Variants in NFATC3 observed in about 807,000 individuals in gnomAD.
NFATC3 encodes the protein nuclear factor of activated T cells 3.
A neutral mutation model predicts 98.6 loss-of-function variants in NFATC3; 46 were observed. That is an observed-to-expected ratio of 0.47 (90% CI 0.37 to 0.60). The LOEUF (loss-of-function observed/expected upper bound fraction) is 0.60, where lower values mean the gene tolerates loss of function less well. Ranked by LOEUF, NFATC3 falls within the 20% of genes least tolerant of loss-of-function variation. The probability of loss-of-function intolerance (pLI) is 0.00; values close to 1 mark genes in which losing one functional copy is unlikely to be tolerated. For missense variants in NFATC3, 1,256 were observed against 1,295.5 expected (o/e 0.97, Z 0.47); for synonymous variants, 512 against 472.2 (o/e 1.08, Z -1.09).
chr16:68,168,157 G>A (rs1476018655), intron 5 of NFATC3, among the ~76,000 whole-genome samples: 3 of 147,670 alleles, frequency 2.0e-5, no homozygotes, highest in Admixed American at 6.8e-5. Context: ...TTTTTTTCAG[G>A]TGAGGGGGTT....
chr16:68,173,194 T>C (rs2039544310), intron 5 of NFATC3, among the ~76,000 whole-genome samples: 1 of 151,882 alleles, frequency 6.6e-6, no homozygotes, highest in Non-Finnish European at 1.5e-5. Context: ...CCCAGGAGTT[T>C]GATGCTGCAG....
intron 9 of NFATC3, 52 bp from the exon 10 acceptor site, chr16:68,226,298 A>G: frequency 1.3e-6 from 2 of 1,535,742 alleles, no homozygotes; most frequent in Non-Finnish European, 1.7e-6. Context: ...TGGGCATCAT[A>G]TGGCTAATCA....
At chr16:68,112,426 C>T (rs1348022620) in intron 1 of NFATC3, among the ~76,000 whole-genome samples, 1 of 151,132 alleles carries the variant, frequency 6.6e-6, no homozygotes. Flanking sequence ...TACAGGCACA[C>T]ACCACCACGC....
At chr16:68,166,053 C>A (rs1260250981) in intron 4 of NFATC3, among the ~76,000 whole-genome samples, 1 of 152,100 alleles carries the variant, frequency 6.6e-6, no homozygotes, top group Non-Finnish European at 1.5e-5. Context: ...AGAATTTTAG[C>A]CTGATAGATT....
chr16:68,174,362 A>G lies in NFATC3; in HGVS notation c.1775-12A>G. 1.4e-6 allele frequency: 2 copies of G among 1,381,968 alleles called. No individual in the cohort carries two copies. The highest frequency in any genetic ancestry group is 1.9e-6 in the Non-Finnish European group (2 of 1,059,780). The allele number at this position is 1,381,968 out of a possible 1,614,324, so 85.6% of individuals were successfully genotyped here. A position where few individuals can be genotyped will look rare whatever the true frequency, so the allele number is the denominator to read the frequency against. ...TTGTTTTTTCTCAACTCTTTAAAAA[A>G]ATTTAAAACAGCCCAGCGGTCTGCT... On this transcript the variant is annotated splice_polypyrimidine_tract_variant and intron_variant, in intron 5 of 9. Transcript: ENST00000346183.
chr16:68,093,585 TTTTG>T (rs1159854711), intron 1 of NFATC3, among the ~76,000 whole-genome samples: 23 of 152,326 alleles, frequency 1.5e-4, no homozygotes, highest in Admixed American at 1.2e-3. Flanking sequence ...TTTTGTAACT[TTTTG>T]TTTGTGATAC....
chr16:68,195,399 A>G lies in NFATC3; in HGVS notation c.3106+3624A>G, dbSNP rs115892835. 4.0e-3 allele frequency among the ~76,000 whole-genome samples: 615 copies of G among 152,222 alleles called. 7 individuals are homozygous for G. Among genetic ancestry groups the G allele is most frequent in the African/African-American group, 0.014 (570 of 41,550 alleles). ...TACAGAGGGGGAAGAGCAGTACACA[A>G]TGGTGTGCACCTGTAGTCCTGGCCA... On this transcript the variant is annotated intron_variant, in intron 9 of 9. Coordinates refer to ENST00000346183, the MANE Select transcript of NFATC3 (RefSeq NM_173165.3).
intron 1 of NFATC3, among the ~76,000 whole-genome samples, chr16:68,103,671 T>G (rs2035489397): frequency 6.6e-6 from 1 of 152,254 alleles, no homozygotes; most frequent in Non-Finnish European, 1.5e-5. Flanking sequence ...AGTTTTATGC[T>G]TTTAGCTCTT....
At chr16:68,222,166 C>T (rs71393984) in intron 9 of NFATC3, among the ~76,000 whole-genome samples, 19 of 150,986 alleles carry the variant, frequency 1.3e-4, no homozygotes, top group Middle Eastern at 6.8e-3. Context: ...AAGGCATAGG[C>T]GTAGTAGCAC....
intron 8 of NFATC3, among the ~76,000 whole-genome samples, chr16:68,187,990 G>T (rs1025152393): frequency 1.3e-5 from 2 of 152,078 alleles, no homozygotes; most frequent in African/African-American, 4.8e-5. Context: ...TGCAAACCAG[G>T]GCTGAGCTGC....
chr16:68,173,166 G>GT (rs1357374963), intron 5 of NFATC3, among the ~76,000 whole-genome samples: 1 of 152,066 alleles, frequency 6.6e-6, no homozygotes, highest in Non-Finnish European at 1.5e-5. Flanking sequence ...GGAGGCTGAG[G>GT]TGGGAGTATT....
At chr16:68,190,541 C>T (rs538129767) in intron 8 of NFATC3, among the ~76,000 whole-genome samples, 1 of 152,288 alleles carries the variant, frequency 6.6e-6, no homozygotes, top group South Asian at 2.1e-4. Context: ...TCTTGTGCCT[C>T]TTCCCAAAGA....
intron 9 of NFATC3, chr16:68,225,743 G>A (rs2042016978): frequency 1.3e-5 from 2 of 152,178 alleles, no homozygotes; most frequent in Non-Finnish European, 2.9e-5. Flanking sequence ...TCTTATTTGG[G>A]GGATTTGGGA....
At chr16:68,197,265 T>G (rs1050915176) in intron 9 of NFATC3, among the ~76,000 whole-genome samples, 1 of 152,108 alleles carries the variant, frequency 6.6e-6, no homozygotes, top group Admixed American at 6.6e-5. Context: ...TTATTATATT[T>G]TATTTTATTT....
At chr16:68,200,339 G>A (rs1379711913) in intron 9 of NFATC3, 2 of 151,742 alleles carry the variant, frequency 1.3e-5, no homozygotes, top group Non-Finnish European at 2.9e-5. Flanking sequence ...TTTCTTAGCT[G>A]TGATATACTG....
rs957929595 is a variant in NFATC3 at position 68,098,554 on chromosome 16, C to T, written c.103+12770C>T. On this transcript the variant is annotated intron_variant, in intron 1 of 9. Coordinates refer to ENST00000346183, the MANE Select transcript of NFATC3 (RefSeq NM_173165.3). Reference sequence around the variant, plus strand: ...TGAGCTCGTGATCCACCCGCCTCAGCGTCCCAAAGTGTTGGGATTACAGGT... The same window carrying T: ...TGAGCTCGTGATCCACCCGCCTCAGTGTCCCAAAGTGTTGGGATTACAGGT... 4.6e-5 allele frequency among the ~76,000 whole-genome samples: 7 copies of T among 152,056 alleles called. No individual in the cohort carries two copies. In the East Asian group the frequency reaches 9.6e-4, roughly 21 times the overall value.
chr16:68,219,581 G>GTAA (rs971636918), intron 9 of NFATC3, among the ~76,000 whole-genome samples: 8 of 151,384 alleles, frequency 5.3e-5, no homozygotes, highest in Admixed American at 1.3e-4. Flanking sequence ...AATAATAATA[G>GTAA]TAATAATAAT....
intron 3 of NFATC3, among the ~76,000 whole-genome samples, chr16:68,130,061 C>A (rs150362501): frequency 6.6e-6 from 1 of 152,150 alleles, no homozygotes; most frequent in Non-Finnish European, 1.5e-5. Context: ...CACTGACGAA[C>A]ACTTATTTTG....
chr16:68,101,772 C>T (rs889756815), intron 1 of NFATC3, among the ~76,000 whole-genome samples: 6 of 152,080 alleles, frequency 3.9e-5, no homozygotes, highest in African/African-American at 1.2e-4. Context: ...CATGACCCAC[C>T]GCACCCGGTC....
Sources: allele counts gnomAD v4.1 joint callset (sites outside exome capture counted in the v4.1 genomes callset), GRCh38; gene constraint gnomAD v4.1.1; transcripts MANE v1.5; gene names NCBI Gene and HGNC (gene_info 2026-07-23, HGNC 2026-07-21).